The following CYRIB variants were observed in gnomAD, a reference collection of about 807,000 sequenced individuals.
The protein encoded by CYRIB is CYFIP-related Rac1 interactor B.
CYRIB carries 8 observed loss-of-function variants against 44.2 expected under a neutral mutation model. That is an observed-to-expected ratio of 0.18 (90% confidence interval 0.11 to 0.33). CYRIB has a LOEUF of 0.33. Among genes scored for constraint, CYRIB ranks in the 10% least tolerant of loss-of-function variants. The probability of loss-of-function intolerance (pLI) is 1.00; values close to 1 mark genes in which losing one functional copy is unlikely to be tolerated. For synonymous variants in CYRIB, 131 were observed against 127.2 expected (o/e 1.03, Z -0.20); for missense variants, 185 against 382.8 (o/e 0.48, Z 4.31).
intron 11 of CYRIB, among the ~76,000 whole-genome samples, chr8:129,846,467 T>C (rs186847962): frequency 1.3e-5 from 2 of 152,336 alleles, no homozygotes; most frequent in African/African-American, 4.8e-5. Context: ...TATTTACATT[T>C]TCTTATGTTT....
At position 129,968,775 on chromosome 8, in the gene CYRIB, A is replaced by T. The variant is rs58003594; in HGVS notation, c.-243+2168T>A. 2.7e-3 allele frequency among the ~76,000 whole-genome samples: 405 copies of T among 152,242 alleles called. 3 individuals are homozygous for T. The highest frequency in any genetic ancestry group is 0.011 in the East Asian group (55 of 5,182). On this transcript the variant is annotated intron_variant, in intron 2 of 14. Transcript: ENST00000401979. ...AGTTCTTGCTGGTAACTTTTTTTCC[A>T]GTCAAGTCAAGCTTCCTCTCTATTT...
At chr8:129,877,663 G>GATGTGT (rs3222125) in intron 3 of CYRIB, among the ~76,000 whole-genome samples, 2 of 130,684 alleles carry the variant, frequency 1.5e-5, no homozygotes, top group African/African-American at 6.5e-5. Flanking sequence ...AAAAAAAAAA[G>GATGTGT]GTGTGTGTGT....
intron 1 of CYRIB, among the ~76,000 whole-genome samples, chr8:130,002,576 C>G (rs2096931941): frequency 6.6e-6 from 1 of 152,166 alleles, no homozygotes; most frequent in Non-Finnish European, 1.5e-5. Flanking sequence ...GAAAGAATAT[C>G]TCCATATTCT....
rs754001172 is a variant in CYRIB at position 129,849,387 on chromosome 8, T to C, written c.714-18A>G. ...TGTATTCCCTGAAGAGTAGATAAGA[T>C]ATGCATGGAAGAAGTGCATTACAAA... On this transcript the variant is annotated intron_variant, in intron 9 of 11. Transcript: ENST00000519824. 1.4e-5 allele frequency: 23 copies of C among 1,588,604 alleles called. No homozygotes were observed. The highest frequency in any genetic ancestry group is 1.9e-5 in the Admixed American group (1 of 52,182).
At chr8:129,975,690 G>A (rs2095886302) in intron 1 of CYRIB, among the ~76,000 whole-genome samples, 11 of 152,122 alleles carry the variant, frequency 7.2e-5, no homozygotes, top group Admixed American at 7.2e-4. Context: ...CCACTTAATA[G>A]GAAACAGACG....
chr8:129,931,302 C>T (rs1442473951), intron 1 of CYRIB, among the ~76,000 whole-genome samples: 1 of 152,128 alleles, frequency 6.6e-6, no homozygotes, highest in Non-Finnish European at 1.5e-5. Flanking sequence ...TTGGAATTTG[C>T]CAGAATTTAA....
intron 1 of CYRIB, among the ~76,000 whole-genome samples, chr8:129,918,643 C>G (rs74550885): frequency 6.6e-6 from 1 of 152,120 alleles, no homozygotes; most frequent in Non-Finnish European, 1.5e-5. Context: ...CTCATCAAAA[C>G]GCTGGACCCT....
intron 1 of CYRIB, among the ~76,000 whole-genome samples, chr8:129,906,795 T>C (rs1434441813): frequency 6.6e-6 from 1 of 152,140 alleles, no homozygotes; most frequent in East Asian, 1.9e-4. Context: ...GGGCGAAGGA[T>C]ACGAACAGAC....
At chr8:129,975,057 T>C (rs1244552699) in intron 1 of CYRIB, among the ~76,000 whole-genome samples, 1 of 152,064 alleles carries the variant, frequency 6.6e-6, no homozygotes, top group Admixed American at 6.6e-5. Context: ...ATTTTTGTGT[T>C]TCTAGTAGAA....
intron 2 of CYRIB, among the ~76,000 whole-genome samples, chr8:129,890,030 T>C (rs983006945): frequency 6.6e-6 from 1 of 152,090 alleles, no homozygotes; most frequent in Non-Finnish European, 1.5e-5. Flanking sequence ...CACCTCGGAC[T>C]CCCAAAGTGC....
chr8:129,979,140 CAA>C (rs1491411546), intron 1 of CYRIB, among the ~76,000 whole-genome samples: 1 of 151,420 alleles, frequency 6.6e-6, no homozygotes. Flanking sequence ...GACTCTGTCT[CAA>C]AATAAATAAA....
At chr8:130,002,595 T>C (rs988696895) in intron 1 of CYRIB, among the ~76,000 whole-genome samples, 2 of 152,226 alleles carry the variant, frequency 1.3e-5, no homozygotes, top group African/African-American at 4.8e-5. Flanking sequence ...CTTATCTCCC[T>C]CACACAACCT....
intron 9 of CYRIB, 186 bp downstream of exon 11, chr8:129,850,649 A>C (rs2042789041): frequency 1.7e-6 from 1 of 601,866 alleles, no homozygotes; most frequent in African/African-American, 1.9e-5. Context: ...TTTATACTTA[A>C]CCAGAAGTTA....
intron 1 of CYRIB, among the ~76,000 whole-genome samples, chr8:129,986,309 C>T (rs369937609): frequency 6.6e-6 from 1 of 152,324 alleles, no homozygotes; most frequent in East Asian, 1.9e-4. Flanking sequence ...GGACAGGCCC[C>T]AGAACTGCCC....
intron 1 of CYRIB, among the ~76,000 whole-genome samples, chr8:129,985,118 C>T (rs1419778403): frequency 1.3e-5 from 2 of 152,164 alleles, no homozygotes; most frequent in Non-Finnish European, 2.9e-5. Flanking sequence ...ACCAGGGTTG[C>T]CACTCAGTAG....
intron 1 of CYRIB, among the ~76,000 whole-genome samples, chr8:129,997,048 AGGAAGGAG>A (rs1268093957): frequency 8.7e-6 from 1 of 115,572 alleles, no homozygotes; most frequent in Non-Finnish European, 1.7e-5. Context: ...GAAGGAAGGA[AGGAAGGAG>A]GGAGGGAGGG....
At chr8:129,858,735 T>C (rs1291659000) in intron 5 of CYRIB, among the ~76,000 whole-genome samples, 3 of 151,990 alleles carry the variant, frequency 2.0e-5, no homozygotes, top group Non-Finnish European at 4.4e-5. Flanking sequence ...TTATGACCCT[T>C]GGAGGCAGTC....
intron 5 of CYRIB, among the ~76,000 whole-genome samples, chr8:129,857,322 T>C (rs571939325): frequency 2.0e-5 from 3 of 152,064 alleles, no homozygotes; most frequent in Non-Finnish European, 2.9e-5. Context: ...CAGGAAAAGA[T>C]CTCCCTGAAT....
chr8:129,879,302 G>A, intron 3 of CYRIB, 87 bp downstream of exon 5: 2 of 900,680 alleles, frequency 2.2e-6, no homozygotes, highest in Non-Finnish European at 3.6e-6. Context: ...CAGTTAAAAA[G>A]ATGGCAAAGT....
Sources: allele counts gnomAD v4.1 joint callset (sites outside exome capture counted in the v4.1 genomes callset), GRCh38; gene constraint gnomAD v4.1.1; transcripts MANE v1.5; gene names NCBI Gene and HGNC (gene_info 2026-07-23, HGNC 2026-07-21).